Variants in TNS1 observed in about 807,000 individuals in gnomAD.
The protein encoded by TNS1 is tensin-1.
A neutral mutation model predicts 168.6 loss-of-function variants in TNS1; 62 were observed. That is an observed-to-expected ratio of 0.37 (90% confidence interval 0.30 to 0.45). TNS1 has a LOEUF of 0.45. Ranked by LOEUF, TNS1 falls within the 20% of genes least tolerant of loss-of-function variation. The probability of loss-of-function intolerance (pLI) is 1.00; values close to 1 mark genes in which losing one functional copy is unlikely to be tolerated. For missense variants in TNS1, 2,240 were observed against 2,339.4 expected (o/e 0.96, Z 0.88); for synonymous variants, 934 against 933.2 (o/e 1.00, Z -0.02).
chr2:217,830,630 C>T (rs569211713), intron 22 of TNS1, among the ~76,000 whole-genome samples: 6 of 152,224 alleles, frequency 3.9e-5, no homozygotes, highest in Admixed American at 2.6e-4. Flanking sequence ...GGGCCCTGCC[C>T]TCTACCGTGC....
chr2:217,805,808 A>T (rs1299347045), intron 32 of TNS1, among the ~76,000 whole-genome samples: 2 of 131,750 alleles, frequency 1.5e-5, no homozygotes, highest in African/African-American at 5.7e-5. Context: ...AACCATGCAT[A>T]CATACATATA....
chr2:217,862,151 G>A (rs1031304543), intron 18 of TNS1, among the ~76,000 whole-genome samples: 7 of 152,148 alleles, frequency 4.6e-5, no homozygotes, highest in Admixed American at 2.0e-4. Context: ...AGAGAAGGAC[G>A]GGCACAACCT....
At chr2:217,901,104 A>G (rs187543800) in intron 6 of TNS1, among the ~76,000 whole-genome samples, 1 of 152,146 alleles carries the variant, frequency 6.6e-6, no homozygotes, top group African/African-American at 2.4e-5. Flanking sequence ...GACAGTAACC[A>G]TCTCACCCAC....
chr2:217,880,121 C>G lies in TNS1; in HGVS notation c.1429+777G>C, dbSNP rs114366910. On this transcript the variant is annotated intron_variant, in intron 18 of 32. Coordinates refer to ENST00000682258, the MANE Select transcript of TNS1 (RefSeq NM_001387777.1). This position sits in a 1 kb window ranked among gnomAD's most constrained non-coding sequence, Gnocchi z 4.2. ...TGTGGCCAAACCCCAGGCAGGGCAT[C>G]TCAAGAGTTCCTGGGCTCTGGGCAT... Among the ~76,000 whole-genome samples, 1,838 of 152,308 alleles carry G rather than the reference C, an allele frequency of 0.012. 34 individuals are homozygous for G. Among genetic ancestry groups the G allele is most frequent in the African/African-American group, 0.042 (1,735 of 41,554 alleles).
At position 217,880,126 on chromosome 2, in the gene TNS1, G is replaced by A. The variant is rs1287223229; in HGVS notation, c.1429+772C>T. The stretch of plus-strand genomic sequence containing the variant: ...CCAAACCCCAGGCAGGGCATCTCAA[G>A]AGTTCCTGGGCTCTGGGCATGCTCA... On this transcript the variant is annotated intron_variant, in intron 18 of 32. Coordinates refer to ENST00000682258, the MANE Select transcript of TNS1 (RefSeq NM_001387777.1). This position sits in a 1 kb window ranked among gnomAD's most constrained non-coding sequence, Gnocchi z 4.2. Among the ~76,000 whole-genome samples, 1 of 152,212 alleles carries A rather than the reference G, an allele frequency of 6.6e-6. No homozygotes were observed. The highest frequency in any genetic ancestry group is 2.4e-5 in the African/African-American group (1 of 41,448).
At chr2:217,923,850 G>A (rs1334959783) in intron 3 of TNS1, among the ~76,000 whole-genome samples, 1 of 152,166 alleles carries the variant, frequency 6.6e-6, no homozygotes, top group African/African-American at 2.4e-5. Flanking sequence ...CAGCTGGAAG[G>A]TGAGCATGGT....
At chr2:217,987,618 C>A (rs921237978) in intron 2 of TNS1, among the ~76,000 whole-genome samples, 7 of 152,186 alleles carry the variant, frequency 4.6e-5, no homozygotes, top group Admixed American at 2.0e-4. Context: ...CTGCCTCCAG[C>A]AGAACTTTCT....
Position 217,934,812 on chromosome 2 carries a change from G to C in TNS1, c.187-14576C>G, listed in dbSNP as rs535938917. ...TGGCATCCCAGCAGATGCCTGAAGA[G>C]CCAACAGGATCCCACCTCGATGCTG... On this transcript the variant is annotated intron_variant, in intron 3 of 32. Transcript: ENST00000682258. Among the ~76,000 whole-genome samples, 13 of 152,336 alleles carry C rather than the reference G, an allele frequency of 8.5e-5. No homozygotes were observed. The East Asian group carries it at 2.5e-3, about 29-fold the overall frequency.
At chr2:217,878,054 G>A (rs1328331880) in intron 18 of TNS1, among the ~76,000 whole-genome samples, 3 of 152,158 alleles carry the variant, frequency 2.0e-5, no homozygotes, top group Admixed American at 6.5e-5. Context: ...TACCTATTTC[G>A]AGAGGCCTGC....
Position 217,995,218 on chromosome 2 carries a change from C to A in TNS1, c.34-4162G>T, listed in dbSNP as rs1296478605. Among the ~76,000 whole-genome samples, 1 of 152,140 alleles carries A rather than the reference C, an allele frequency of 6.6e-6. No homozygotes were observed. The highest frequency in any genetic ancestry group is 6.5e-5 in the Admixed American group (1 of 15,284). On this transcript the variant is annotated intron_variant, in intron 1 of 32. Transcript: ENST00000682258. The surrounding 1 kb of genome is among the most constrained non-coding windows in gnomAD (Gnocchi z 4.1). ...GGCTCTGCTGGCATCCACTTAGTTC[C>A]GCTGTGAAACAGGGACACTGCGCTG...
At chr2:217,805,017 T>C (rs73072397) in intron 32 of TNS1, among the ~76,000 whole-genome samples, 2,462 of 150,844 alleles carry the variant, frequency 0.016, 75 homozygotes, top group African/African-American at 0.056. Context: ...AAGTGCTGTC[T>C]GCCTGCAAAC....
chr2:217,919,463 C>A (rs1357304222), intron 4 of TNS1, among the ~76,000 whole-genome samples: 1 of 152,264 alleles, frequency 6.6e-6, no homozygotes, highest in Non-Finnish European at 1.5e-5. Context: ...ATGCAGGCAG[C>A]CCCCTTCCTT....
At chr2:217,989,800 C>T (rs1487847227) in intron 2 of TNS1, among the ~76,000 whole-genome samples, 2 of 152,040 alleles carry the variant, frequency 1.3e-5, no homozygotes, top group African/African-American at 4.8e-5. Flanking sequence ...ACCCACACGA[C>T]TCCCACACAC....
At chr2:217,924,106 C>A (rs565351088) in intron 3 of TNS1, among the ~76,000 whole-genome samples, 1 of 152,330 alleles carries the variant, frequency 6.6e-6, no homozygotes, top group South Asian at 2.1e-4. Flanking sequence ...GGACCCGAAG[C>A]CACACACAGA....
At chr2:217,865,047 G>A (rs1174061566) in intron 18 of TNS1, among the ~76,000 whole-genome samples, 1 of 152,060 alleles carries the variant, frequency 6.6e-6, no homozygotes, top group Non-Finnish European at 1.5e-5. Flanking sequence ...ATGAGAGGTG[G>A]CTATGACTAG....
At chr2:217,825,922 T>TG (rs1943552507) in intron 22 of TNS1, among the ~76,000 whole-genome samples, 1 of 152,196 alleles carries the variant, frequency 6.6e-6, no homozygotes, top group Non-Finnish European at 1.5e-5. Context: ...AGTCTGAACT[T>TG]GGGGAACAGG....
chr2:217,851,460 C>T (rs1947476310), intron 18 of TNS1, among the ~76,000 whole-genome samples: 1 of 151,896 alleles, frequency 6.6e-6, no homozygotes, highest in South Asian at 2.1e-4. Flanking sequence ...CACACACACA[C>T]ACACACACAC....
At position 217,981,780 on chromosome 2, in the gene TNS1, T is replaced by C. The variant is rs549314094; in HGVS notation, c.149-2978A>G. ...TCACATATCCTCCCAAGGGGCAGTATGTCCTCCTCTCTAACGTGCATCCGT... is the reference window on the plus strand; with the variant it reads ...TCACATATCCTCCCAAGGGGCAGTACGTCCTCCTCTCTAACGTGCATCCGT... On this transcript the variant is annotated intron_variant, in intron 2 of 32. Coordinates refer to ENST00000682258, the MANE Select transcript of TNS1 (RefSeq NM_001387777.1). 1.2e-4 allele frequency among the ~76,000 whole-genome samples: 18 copies of C among 152,342 alleles called. No homozygotes were observed. The South Asian group carries it at 2.9e-3, about 25-fold the overall frequency.
At chr2:217,979,863 G>A (rs1957996941) in intron 2 of TNS1, among the ~76,000 whole-genome samples, 1 of 151,836 alleles carries the variant, frequency 6.6e-6, no homozygotes, top group African/African-American at 2.4e-5. Flanking sequence ...CACAGCCCAG[G>A]ACCACAGCCA....
Sources: gnomAD v4.1 joint callset for allele counts (sites outside exome capture counted in the v4.1 genomes callset) on GRCh38, gnomAD v4.1.1 for gene constraint, Gnocchi (gnomAD v3.1) non-coding constraint, MANE v1.5 for transcripts, NCBI Gene and HGNC (gene_info 2026-07-23, HGNC 2026-07-21) for gene names.